Variants in KDELR3 observed in about 807,000 individuals in gnomAD.
KDELR3 encodes the protein ER lumen protein-retaining receptor 3.
In KDELR3, 26 loss-of-function variants were observed where a neutral mutation model predicts 22.7. That is an observed-to-expected ratio of 1.15 (90% CI 0.84 to 1.59). KDELR3 has a LOEUF of 1.59. Among genes scored for constraint, KDELR3 ranks in the 40% most tolerant of loss-of-function variants. The probability of loss-of-function intolerance (pLI) is 0.00; values close to 1 mark genes in which losing one functional copy is unlikely to be tolerated. For synonymous variants in KDELR3, 120 were observed against 98.2 expected, an observed-to-expected ratio of 1.22 and a Z score of -1.31; for missense variants, 289 against 251.1, an observed-to-expected ratio of 1.15 and a Z score of -1.02.
intron 1 of KDELR3, among the ~76,000 whole-genome samples, chr22:38,472,412 C>G: frequency 6.6e-6 from 1 of 151,038 alleles, no homozygotes; most frequent in East Asian, 2.0e-4. Flanking sequence ...GGGAGGCAGA[C>G]GTTGCAGTGA....
chr22:38,481,956 T>C (rs1195883634), intron 4 of KDELR3, among the ~76,000 whole-genome samples: 1 of 152,218 alleles, frequency 6.6e-6, no homozygotes, highest in Non-Finnish European at 1.5e-5. Context: ...TCATATGTTT[T>C]AAGAAAGTTT....
At chr22:38,481,821 A>C (rs1165570993) in intron 4 of KDELR3, among the ~76,000 whole-genome samples, 1 of 152,240 alleles carries the variant, frequency 6.6e-6, no homozygotes, top group African/African-American at 2.4e-5. Context: ...GAGTCAACCA[A>C]GACCAGTTCA....
At chr22:38,479,142 G>T (rs536349255) in intron 2 of KDELR3, among the ~76,000 whole-genome samples, 1 of 151,950 alleles carries the variant, frequency 6.6e-6, no homozygotes, top group Non-Finnish European at 1.5e-5. Flanking sequence ...GGAGCAGGAG[G>T]ATCACTCGAC....
At chr22:38,480,366 A>T (rs1378257567) in intron 3 of KDELR3, among the ~76,000 whole-genome samples, 1 of 151,576 alleles carries the variant, frequency 6.6e-6, no homozygotes, top group Non-Finnish European at 1.5e-5. Context: ...CTGGTCTCCA[A>T]CTCCTGACCT....
chr22:38,468,153 G>A lies in KDELR3; in HGVS notation c.-81G>A. 1.6e-6 allele frequency: 2 copies of A among 1,282,086 alleles called. No homozygotes were observed. Among genetic ancestry groups the A allele is most frequent in the Non-Finnish European group, 2.2e-6 (2 of 890,236 alleles). The allele number at this position is 1,282,086 out of a possible 1,614,324, so 79.4% of individuals were successfully genotyped here. ...TCTGGGGCACCTAGAGACCGGGGCC[G>A]GAGACGTGGCAGCCGCCCTGCCCGC... On this transcript the variant is annotated 5_prime_UTR_variant, in exon 1 of 5. Transcript: ENST00000216014.
At chr22:38,482,433 C>G in intron 4 of KDELR3, 63 bp from the exon 5 acceptor site, 2 of 1,324,620 alleles carry the variant, frequency 1.5e-6, no homozygotes, top group Non-Finnish European at 2.2e-6. Context: ...GATTATGCAT[C>G]AAGTTATAAA....
At chr22:38,482,402 G>C in intron 4 of KDELR3, 94 bp from the exon 5 acceptor site, 1 of 1,015,268 alleles carries the variant, frequency 9.8e-7, no homozygotes, top group Non-Finnish European at 1.6e-6. Context: ...CTGTGAGCCG[G>C]CCATTAAGAG....
chr22:38,481,179 G>C, intron 3 of KDELR3, 33 bp from the exon 4 acceptor site: 1 of 1,580,318 alleles, frequency 6.3e-7, no homozygotes, highest in East Asian at 2.2e-5. Flanking sequence ...TCTTGGTCTT[G>C]CTCAGTCTCT....
rs2089498029 is a variant in KDELR3, at chr22:38,468,118, C to T, written c.-116C>T. ...GGTGCGATCGCGGAGCTGTGAGGCGCAGGCAGGGCTCTGGGGCACCTAGAG... is the reference window on the plus strand; with the variant it reads ...GGTGCGATCGCGGAGCTGTGAGGCGTAGGCAGGGCTCTGGGGCACCTAGAG... On this transcript the variant is annotated 5_prime_UTR_variant, in exon 1 of 5. Transcript: ENST00000216014. 3.5e-6 allele frequency: 3 copies of T among 853,240 alleles called. No individual in the cohort carries two copies. The highest frequency in any genetic ancestry group is 3.8e-6 in the Non-Finnish European group (2 of 527,280). 52.9% of individuals were successfully genotyped at this position (853,240 alleles called of 1,614,324 possible).
chr22:38,476,433 T>C (rs1364100511), intron 2 of KDELR3, among the ~76,000 whole-genome samples: 1 of 152,104 alleles, frequency 6.6e-6, no homozygotes, highest in East Asian at 1.9e-4. Flanking sequence ...TTAGCCAGGA[T>C]GGTCTCGATC....
chr22:38,477,082 T>A (rs1001364321), intron 2 of KDELR3, among the ~76,000 whole-genome samples: 1 of 148,908 alleles, frequency 6.7e-6, no homozygotes, highest in Admixed American at 6.7e-5. Flanking sequence ...AACTTTTTTT[T>A]TTTTTTTTTT....
rs2089584728 is a variant in KDELR3 at position 38,479,631 on chromosome 22, G to A, written c.231G>A (p.Met77Ile). 6.2e-7 allele frequency: 1 copy of A among 1,614,030 alleles called. No homozygotes were observed. Among genetic ancestry groups the A allele is most frequent in the Non-Finnish European group, 8.5e-7 (1 of 1,179,888 alleles). ...TCTGTGCCTATGTTACAGTGTACATGATATATGGGAAATTCCGTAAAACTT... is the reference window on the plus strand; with the variant it reads ...TCTGTGCCTATGTTACAGTGTACATAATATATGGGAAATTCCGTAAAACTT... ...FLLCAYVTVYMIYGKFRKTFD... is the reference protein window; with the variant it reads ...FLLCAYVTVYIIYGKFRKTFD... Residue 77 changes from methionine (M) to isoleucine (I), a missense_variant, in exon 3 of 5, where the codon ATG becomes ATA. Met to Ile is a conservative substitution (Grantham distance 10). Coordinates refer to ENST00000216014, the MANE Select transcript of KDELR3 (RefSeq NM_006855.4).
chr22:38,474,538 G>A lies in KDELR3; in HGVS notation c.107G>A (p.Ser36Asn), dbSNP rs1233872105. The change falls in exon 2 of 5, where the codon AGC becomes AAC. Residue 36 changes from serine to asparagine, a missense_variant. Physicochemically the swap from Ser to Asn is conservative, Grantham distance 46. Coordinates refer to ENST00000216014, the MANE Select transcript of KDELR3 (RefSeq NM_006855.4). ...TTGGCCACAGGCATCTCTGGGAAGA[G>A]CCAGATCCTGTTTGCTCTCGTCTTC... is the stretch of plus-strand genomic sequence containing the variant. ...SKCCKGISGK[S>N]QILFALVFTT... 6.2e-7 allele frequency: 1 copy of A among 1,613,804 alleles called. No homozygotes were observed. The highest frequency in any genetic ancestry group is 8.5e-7 in the Non-Finnish European group (1 of 1,179,960).
At chr22:38,469,535 G>C (rs1238651225) in intron 1 of KDELR3, among the ~76,000 whole-genome samples, 3 of 152,178 alleles carry the variant, frequency 2.0e-5, no homozygotes, top group Non-Finnish European at 4.4e-5. Flanking sequence ...AGGCCATTTG[G>C]GTTTGGGGTC....
intron 1 of KDELR3, among the ~76,000 whole-genome samples, chr22:38,469,080 G>C (rs1004855498): frequency 6.6e-6 from 1 of 152,238 alleles, no homozygotes; most frequent in Admixed American, 6.5e-5. Flanking sequence ...GCTCCTCGTG[G>C]GGCTGAGGAG....
intron 1 of KDELR3, among the ~76,000 whole-genome samples, chr22:38,472,177 T>C (rs1431133951): frequency 6.6e-6 from 1 of 151,912 alleles, no homozygotes; most frequent in Non-Finnish European, 1.5e-5. Context: ...GTTTCTTCCA[T>C]CTGATAACCA....
At chr22:38,470,409 T>C (rs924618271) in intron 1 of KDELR3, among the ~76,000 whole-genome samples, 3 of 152,162 alleles carry the variant, frequency 2.0e-5, no homozygotes. Context: ...CCTGACTTTC[T>C]AGTGGTAGGA....
chr22:38,482,514 TAA>T lies in KDELR3; in HGVS notation c.624_625del (p.Leu210SerfsTer66), dbSNP rs759599294. The stretch of plus-strand genomic sequence containing the variant: ...CTTCCAGTCCTTAAGGGAAAGAAGT[TAA>T]GTCTTCCAATGCCAATCTGAGGACC... On this transcript the variant is annotated frameshift_variant, in exon 5 of 5. Coordinates refer to ENST00000216014, the MANE Select transcript of KDELR3 (RefSeq NM_006855.4). LOFTEE classifies it high-confidence loss of function. 5.6e-6 allele frequency: 9 copies of T among 1,613,028 alleles called. No individual in the cohort carries two copies. In the South Asian group the frequency reaches 7.7e-5, roughly 14 times the overall value.
chr22:38,479,890 G>A, intron 3 of KDELR3, 139 bp downstream of exon 3: 2 of 820,956 alleles, frequency 2.4e-6, no homozygotes, highest in Non-Finnish European at 2.0e-6. Context: ...AGAAGAAATT[G>A]ACAAGCTATT....
Sources: gnomAD v4.1 joint callset for allele counts (sites outside exome capture counted in the v4.1 genomes callset) on GRCh38, gnomAD v4.1.1 for gene constraint, MANE v1.5 for transcripts, NCBI Gene and HGNC (gene_info 2026-07-23, HGNC 2026-07-21) for gene names.